Variants in AEBP2 observed in about 807,000 individuals in gnomAD.
AEBP2 encodes zinc finger protein AEBP2.
In AEBP2, 10 loss-of-function variants were observed where a neutral mutation model predicts 50.8. The ratio of observed to expected loss-of-function variants is 0.20; its 90% confidence interval spans 0.12 to 0.33. AEBP2 has a LOEUF of 0.33. Among genes scored for constraint, AEBP2 ranks in the 10% least tolerant of loss-of-function variants. The pLI is 1.00. For synonymous variants in AEBP2, 296 were observed against 261.3 expected, an observed-to-expected ratio of 1.13 and a Z score of -1.28; for missense variants, 570 against 688.0, an observed-to-expected ratio of 0.83 and a Z score of 1.92.
chr12:19,413,279 GA>G (rs1477096661), intron 1 of AEBP2: 4 of 1,290,198 alleles, frequency 3.1e-6, no homozygotes, highest in Non-Finnish European at 4.5e-6. Flanking sequence ...TGTAAAGCCT[GA>G]AAAAACTAAA....
intron 1 of AEBP2, chr12:19,456,974 C>T (rs1948280581): frequency 3.8e-6 from 6 of 1,570,400 alleles, no homozygotes; most frequent in Admixed American, 1.7e-5. Flanking sequence ...CTGGTATTGC[C>T]ATCCTTACAG....
At position 19,440,046 on chromosome 12, in the gene AEBP2, G is replaced by T. The variant is rs929830498; in HGVS notation, c.347G>T (p.Gly116Val). 7 of 1,523,082 alleles carry T rather than the reference G, an allele frequency of 4.6e-6. No individual in the cohort carries two copies. Among genetic ancestry groups the T allele is most frequent in the East Asian group, 5.1e-5 (2 of 38,860 alleles). 94.3% of individuals were successfully genotyped at this position (1,523,082 alleles called of 1,614,324 possible). The change falls in exon 1 of 8, where the codon GGT (glycine) becomes GTT (valine). Residue 116 changes from glycine (G) to valine (V), a missense_variant. Around this residue, in one of 2 missense-constraint regions of AEBP2, gnomAD observed 386 missense variants for 336.8 expected, o/e 1.15. Coordinates refer to ENST00000266508, the MANE Select transcript of AEBP2 (RefSeq NM_153207.5). ...GATGAGAGCAGCAGCAGCGGCGGGGGTGAGGAGGAGAGTAGCGCCGAGAGC... is the reference window on the plus strand; with the variant it reads ...GATGAGAGCAGCAGCAGCGGCGGGGTTGAGGAGGAGAGTAGCGCCGAGAGC... ...EEDESSSSGG[G>V]EEESSAESLV...
rs1949365957 is a variant in AEBP2 at position 19,519,302 on chromosome 12, A to T, written c.*1185A>T. On this transcript the variant is annotated 3_prime_UTR_variant, in exon 8 of 8. Transcript: ENST00000266508. ...AGTTAAATGTATATATTATGGTAGA[A>T]ATAATATTGAAGGATATTGTACTTC... The T allele has an allele frequency of 6.6e-6, 1 of 152,562 alleles. No homozygotes were observed. Among genetic ancestry groups the T allele is most frequent in the Admixed American group, 6.5e-5 (1 of 15,272 alleles). The allele number at this position is 152,562 out of a possible 1,614,324, so 9.5% of individuals were successfully genotyped here.
At chr12:19,508,332 A>T (rs771373906) in intron 5 of AEBP2, among the ~76,000 whole-genome samples, 39 of 152,324 alleles carry the variant, frequency 2.6e-4, no homozygotes, top group Middle Eastern at 6.8e-3. Context: ...AAGTGCTGGG[A>T]TTATAGGTGT....
At chr12:19,475,521 T>A (rs1408206713) in intron 3 of AEBP2, among the ~76,000 whole-genome samples, 1 of 152,162 alleles carries the variant, frequency 6.6e-6, no homozygotes, top group Non-Finnish European at 1.5e-5. Flanking sequence ...GGCACACTTG[T>A]GTGTGCAAGT....
At chr12:19,462,471 A>G (rs1302704583) in intron 1 of AEBP2, 39 bp from the exon 2 acceptor site, 2 of 1,503,584 alleles carry the variant, frequency 1.3e-6, no homozygotes, top group Non-Finnish European at 1.8e-6. Flanking sequence ...ATGTTAGTGA[A>G]TTTCTAGGAA....
chr12:19,473,180 T>C (rs1948595872), intron 2 of AEBP2, 68 bp from the exon 3 acceptor site: 2 of 626,662 alleles, frequency 3.2e-6, no homozygotes, highest in African/African-American at 2.0e-5. Flanking sequence ...TTAATTTGAA[T>C]GTATGAGGAA....
At chr12:19,459,270 T>C (rs758559374) in intron 1 of AEBP2, among the ~76,000 whole-genome samples, 13 of 152,104 alleles carry the variant, frequency 8.5e-5, no homozygotes, top group Non-Finnish European at 1.5e-4. Context: ...CTCGCTCTGT[T>C]GCCCAGGCTG....
At chr12:19,469,031 C>A (rs1314435819) in intron 2 of AEBP2, among the ~76,000 whole-genome samples, 1 of 152,130 alleles carries the variant, frequency 6.6e-6, no homozygotes, top group Admixed American at 6.5e-5. Context: ...TTCAAGCGAT[C>A]CTCCTCCCTC....
rs532593960 is a variant in AEBP2 at position 19,479,218 on chromosome 12, G to A, written c.987+5863G>A. 3.8e-3 allele frequency among the ~76,000 whole-genome samples: 585 copies of A among 152,238 alleles called. 4 individuals carry two copies. Among genetic ancestry groups the A allele is most frequent in the African/African-American group, 0.013 (558 of 41,556 alleles). On this transcript the variant is annotated intron_variant, in intron 3 of 7. Coordinates refer to ENST00000266508, the MANE Select transcript of AEBP2 (RefSeq NM_153207.5). ...GCCTCAAAAAAAAGTATATTCTGCA[G>A]TTTTTGGTAGAATGTTCTGTAAATA... is the stretch of plus-strand genomic sequence containing the variant.
chr12:19,518,215 C>A lies in AEBP2; in HGVS notation c.*98C>A. On this transcript the variant is annotated 3_prime_UTR_variant, in exon 8 of 8. Coordinates refer to ENST00000266508, the MANE Select transcript of AEBP2 (RefSeq NM_153207.5). ...GAAAGTTGCACATTAGAGTCAACCC[C>A]TTCTTTTTTTTTTTTTTTTTTTTAA... 1 of 1,273,512 alleles carries A rather than the reference C, an allele frequency of 7.9e-7. No homozygotes were observed. The allele number at this position is 1,273,512 out of a possible 1,614,324, so 78.9% of individuals were successfully genotyped here. A position where few individuals can be genotyped will look rare whatever the true frequency, so the allele number is the denominator to read the frequency against.
At chr12:19,411,249 C>G (rs1408429689) in intron 1 of AEBP2, among the ~76,000 whole-genome samples, 2 of 152,212 alleles carry the variant, frequency 1.3e-5, no homozygotes, top group Non-Finnish European at 2.9e-5. Flanking sequence ...ATCTATAATC[C>G]TTGTTCACTC....
At chr12:19,458,454 C>G (rs996789410) in intron 1 of AEBP2, among the ~76,000 whole-genome samples, 52 of 152,212 alleles carry the variant, frequency 3.4e-4, no homozygotes, top group African/African-American at 1.2e-3. Context: ...ATTGTATTCA[C>G]AGCTTAGTCC....
intron 2 of AEBP2, among the ~76,000 whole-genome samples, chr12:19,469,995 T>G (rs1486106366): frequency 6.6e-6 from 1 of 152,166 alleles, no homozygotes; most frequent in African/African-American, 2.4e-5. Flanking sequence ...TTTCTAAAAA[T>G]AGCATAAAAA....
At chr12:19,516,167 GATC>G (rs1482736192) in intron 7 of AEBP2, among the ~76,000 whole-genome samples, 2 of 152,174 alleles carry the variant, frequency 1.3e-5, no homozygotes, top group Admixed American at 6.5e-5. Context: ...GAATGAACTA[GATC>G]ATCAAGGAGA....
chr12:19,422,238 T>A (rs2095746213), intron 1 of AEBP2, among the ~76,000 whole-genome samples: 1 of 152,196 alleles, frequency 6.6e-6, no homozygotes, highest in Admixed American at 6.6e-5. Flanking sequence ...TTGCCTTTGT[T>A]ATAATTTACT....
At chr12:19,422,468 T>G (rs2095746313) in intron 1 of AEBP2, among the ~76,000 whole-genome samples, 1 of 150,316 alleles carries the variant, frequency 6.7e-6, no homozygotes, top group South Asian at 2.1e-4. Flanking sequence ...ACCGGAAGGT[T>G]AAGTAATTAG....
chr12:19,405,355 C>A (rs541689434), intron 1 of AEBP2, among the ~76,000 whole-genome samples: 1 of 150,260 alleles, frequency 6.7e-6, no homozygotes, highest in African/African-American at 2.4e-5. Context: ...GAGACGGAGT[C>A]TCGCTCTGTC....
intron 5 of AEBP2, among the ~76,000 whole-genome samples, chr12:19,509,985 A>G (rs1242545561): frequency 3.9e-5 from 6 of 151,932 alleles, no homozygotes; most frequent in African/African-American, 1.4e-4. Flanking sequence ...GACGTGCACC[A>G]TCACACCTGG....
Sources: gnomAD v4.1 joint callset for allele counts (sites outside exome capture counted in the v4.1 genomes callset) on GRCh38, gnomAD v4.1.1 for gene constraint, gnomAD v4.1.1 regional missense constraint, MANE v1.5 for transcripts, NCBI Gene and HGNC (gene_info 2026-07-23, HGNC 2026-07-21) for gene names.